The following CORO2A variants were observed in gnomAD, a reference collection of about 807,000 sequenced individuals.
The protein encoded by CORO2A is coronin 2A, also known as coronin-2A.
Under a neutral mutation model 62.4 loss-of-function variants are expected in CORO2A, and 47 were observed. The ratio of observed to expected loss-of-function variants is 0.75; its 90% confidence interval spans 0.60 to 0.96. The LOEUF is 0.96. Among genes scored for constraint, CORO2A ranks in the 40% least tolerant of loss-of-function variants. The pLI is 0.00. For synonymous variants in CORO2A, 273 were observed against 268.9 expected (o/e 1.02, Z -0.15); for missense variants, 610 against 684.1 (o/e 0.89, Z 1.21).
intron 1 of CORO2A, among the ~76,000 whole-genome samples, chr9:98,159,690 T>C (rs1302613962): frequency 6.6e-6 from 1 of 151,986 alleles, no homozygotes; most frequent in Non-Finnish European, 1.5e-5. Context: ...GATCTCGCTC[T>C]CCTCTGTTCC....
chr9:98,169,031 A>AGAAG lies in CORO2A; in HGVS notation c.1-11375_1-11372dup, dbSNP rs373982265. Among the ~76,000 whole-genome samples the AGAAG allele has an allele frequency of 1.0e-3, 158 of 152,290 alleles. 2 individuals are homozygous for AGAAG. The East Asian group carries it at 0.029, about 28-fold the overall frequency. ...TGGGACGGGGTGGAGGGGTGGGGGA[A>AGAAG]GAAGCCCTTTGCTTTTTCTCCATCA... On this transcript the variant is annotated intron_variant, in intron 1 of 11. Coordinates refer to ENST00000375077, the MANE Select transcript of CORO2A (RefSeq NM_052820.4).
At chr9:98,176,841 G>T (rs1564218119) in intron 1 of CORO2A, among the ~76,000 whole-genome samples, 2 of 152,050 alleles carry the variant, frequency 1.3e-5, no homozygotes, top group African/African-American at 4.8e-5. Context: ...CACGCCAAAG[G>T]CCACCCACAC....
Position 98,121,476 on chromosome 9 carries a change from C to G in CORO2A, c.*3298G>C, listed in dbSNP as rs1196839571. The stretch of plus-strand genomic sequence containing the variant: ...CTGATAAAAATTACCTATCCCTCTC[C>G]CTTGCTGTGAAATAATTTAAATAAT... On this transcript the variant is annotated 3_prime_UTR_variant, in exon 12 of 12. Coordinates refer to ENST00000375077, the MANE Select transcript of CORO2A (RefSeq NM_052820.4). 1 of 152,136 alleles carries G rather than the reference C, an allele frequency of 6.6e-6. No individual in the cohort carries two copies. The highest frequency in any genetic ancestry group is 2.4e-5 in the African/African-American group (1 of 41,414). 9.4% of individuals were successfully genotyped at this position (152,136 alleles called of 1,614,324 possible). A position where few individuals can be genotyped will look rare whatever the true frequency, so the allele number is the denominator to read the frequency against.
chr9:98,148,809 CAA>C (rs34341064), intron 2 of CORO2A, among the ~76,000 whole-genome samples: 2 of 150,720 alleles, frequency 1.3e-5, no homozygotes, highest in African/African-American at 2.4e-5. Flanking sequence ...ACACAAAACA[CAA>C]AAAAAAATGA....
chr9:98,187,162 A>C (rs145934383), intron 1 of CORO2A, among the ~76,000 whole-genome samples: 2,565 of 151,854 alleles, frequency 0.017, 65 homozygotes, highest in African/African-American at 0.058. Flanking sequence ...GGGCGCCTGT[A>C]GTCCCAGCTA....
intron 2 of CORO2A, among the ~76,000 whole-genome samples, chr9:98,138,290 C>T (rs748644425): frequency 2.6e-5 from 4 of 151,930 alleles, no homozygotes; most frequent in Non-Finnish European, 5.9e-5. Flanking sequence ...TAGCATGCAC[C>T]TGTAATCCCA....
intron 3 of CORO2A, among the ~76,000 whole-genome samples, chr9:98,137,326 G>A (rs1260661103): frequency 6.6e-6 from 1 of 152,106 alleles, no homozygotes; most frequent in Non-Finnish European, 1.5e-5. Context: ...TTATTAGCTG[G>A]GTGGAACTAT....
At chr9:98,155,954 C>G (rs1827797344) in intron 2 of CORO2A, among the ~76,000 whole-genome samples, 1 of 151,884 alleles carries the variant, frequency 6.6e-6, no homozygotes, top group South Asian at 2.1e-4. Flanking sequence ...TTTATCTTCT[C>G]TAATGTATCC....
At chr9:98,177,103 C>T (rs1828118163) in intron 1 of CORO2A, among the ~76,000 whole-genome samples, 1 of 152,202 alleles carries the variant, frequency 6.6e-6, no homozygotes, top group Non-Finnish European at 1.5e-5. Flanking sequence ...CCTGGACTCA[C>T]ACCTTTGAAA....
At chr9:98,125,476 C>T (rs1177448746) in intron 11 of CORO2A, among the ~76,000 whole-genome samples, 3 of 152,174 alleles carry the variant, frequency 2.0e-5, no homozygotes, top group African/African-American at 7.2e-5. Flanking sequence ...GGATCAGAAT[C>T]CATCTGTGAG....
At chr9:98,149,915 G>A (rs1440147471) in intron 2 of CORO2A, among the ~76,000 whole-genome samples, 1 of 149,978 alleles carries the variant, frequency 6.7e-6, no homozygotes, top group Non-Finnish European at 1.5e-5. Context: ...TGTAGGACAA[G>A]TGAGTTTCTT....
At position 98,132,188 on chromosome 9, in the gene CORO2A, G is replaced by C; in HGVS notation, c.762C>G (p.Asp254Glu). The C allele has an allele frequency of 1.2e-6, 2 of 1,612,878 alleles. No individual in the cohort carries two copies. Among genetic ancestry groups the C allele is most frequent in the Non-Finnish European group, 1.7e-6 (2 of 1,178,910 alleles). ...RWNNRQVALW[D>E]QDNLSVPLME... The stretch of plus-strand genomic sequence containing the variant: ...AGGGGTGGGGTGCAGCCCTCACCTG[G>C]TCCCACAAGGCCACCTGCCGGTTGT... The change falls in exon 6 of 12, where the codon GAC (aspartate) becomes GAG (glutamate). Residue 254 changes from aspartate to glutamate, a missense_variant. Transcript: ENST00000375077.
At chr9:98,173,463 A>G (rs1828066361) in intron 1 of CORO2A, among the ~76,000 whole-genome samples, 1 of 152,192 alleles carries the variant, frequency 6.6e-6, no homozygotes, top group Non-Finnish European at 1.5e-5. Flanking sequence ...ACTCCTGTCC[A>G]AAATCCACGG....
At chr9:98,183,133 G>A (rs2118936756) in intron 1 of CORO2A, among the ~76,000 whole-genome samples, 1 of 152,208 alleles carries the variant, frequency 6.6e-6, no homozygotes, top group African/African-American at 2.4e-5. Flanking sequence ...CGCCCCTCTG[G>A]ATCTGTCTCA....
chr9:98,179,822 G>A (rs1828153871), intron 1 of CORO2A, among the ~76,000 whole-genome samples: 5 of 152,060 alleles, frequency 3.3e-5, no homozygotes, highest in South Asian at 2.1e-4. Flanking sequence ...GATCAACATG[G>A]TGAAACCCCG....
intron 1 of CORO2A, among the ~76,000 whole-genome samples, chr9:98,160,926 T>G (rs1177288929): frequency 6.6e-6 from 1 of 152,146 alleles, no homozygotes; most frequent in East Asian, 1.9e-4. Flanking sequence ...CCTCTAGGAC[T>G]CTCGTCCTTG....
intron 2 of CORO2A, among the ~76,000 whole-genome samples, chr9:98,141,102 A>G (rs1337875246): frequency 1.3e-5 from 2 of 152,150 alleles, no homozygotes; most frequent in African/African-American, 4.8e-5. Context: ...ACACCTACAC[A>G]TTCAGAGGGA....
intron 1 of CORO2A, 144 bp from the exon 2 acceptor site, chr9:98,157,804 A>T (rs1387098198): frequency 1.5e-6 from 1 of 675,066 alleles, no homozygotes; most frequent in Admixed American, 3.0e-5. Flanking sequence ...TGTGAAGGGC[A>T]AACAAGTGAA....
At chr9:98,144,845 G>T (rs1209071213) in intron 2 of CORO2A, among the ~76,000 whole-genome samples, 1 of 152,030 alleles carries the variant, frequency 6.6e-6, no homozygotes, top group African/African-American at 2.4e-5. Flanking sequence ...GAGGCTGAGG[G>T]CATGGAGTCT....
Sources: allele counts gnomAD v4.1 joint callset (sites outside exome capture counted in the v4.1 genomes callset), GRCh38; gene constraint gnomAD v4.1.1; transcripts MANE v1.5; gene names NCBI Gene and HGNC (gene_info 2026-07-23, HGNC 2026-07-21).